CELF2: variants seen among roughly 807,000 people sequenced by gnomAD.
CELF2 encodes the protein CUG triplet repeat RNA-binding protein 2.
A neutral mutation model predicts 62.6 loss-of-function variants in CELF2; 8 were observed. The ratio of observed to expected loss-of-function variants is 0.13; its 90% CI spans 0.07 to 0.23. CELF2 has a LOEUF of 0.23. Ranked by LOEUF, CELF2 falls within the 10% of genes least tolerant of loss-of-function variation. The pLI is 1.00. For missense variants in CELF2, 333 were observed against 671.0 expected (o/e 0.50, Z 5.56); for synonymous variants, 258 against 250.0 (o/e 1.03, Z -0.30).
At chr10:10,847,307 A>C (rs1023795545) in intron 1 of CELF2, among the ~76,000 whole-genome samples, 1 of 152,164 alleles carries the variant, frequency 6.6e-6, no homozygotes. Flanking sequence ...CTCAAAGATA[A>C]TTTTAGAATG....
chr10:10,643,102 T>A, the CELF2 span, among the ~76,000 whole-genome samples: 10 of 152,254 alleles, frequency 6.6e-5, 1 homozygote, highest in Admixed American at 6.5e-4. Context: ...CTCCCCATCA[T>A]GCTGAACAGA....
rs2063165943 is a variant in CELF2, at chr10:11,150,691, T to G, written c.75-14795T>G. ...CCTGGGCAGCCATTTGTTTTCAGCT[T>G]TCACTTTTGCATTTGCTTTTGAAGC... On this transcript the variant is annotated intron_variant, in intron 1 of 12. Transcript: ENST00000633077. Among the ~76,000 whole-genome samples the G allele has an allele frequency of 2.0e-5, 3 of 152,244 alleles. No individual in the cohort carries two copies. The South Asian group carries it at 6.2e-4, about 32-fold the overall frequency.
intron 1 of CELF2, among the ~76,000 whole-genome samples, chr10:11,041,274 G>T (rs2061799255): frequency 6.6e-6 from 1 of 152,118 alleles, no homozygotes; most frequent in Admixed American, 6.5e-5. Context: ...TTTAACATAC[G>T]CATTTTAGGG....
chr10:10,963,862 A>G (rs761283042), intron 2 of CELF2, among the ~76,000 whole-genome samples: 3 of 152,106 alleles, frequency 2.0e-5, no homozygotes, highest in Non-Finnish European at 2.9e-5. Flanking sequence ...GCCCATTCCC[A>G]TTCTAGTATA....
intron 9 of CELF2, among the ~76,000 whole-genome samples, chr10:11,294,138 A>G (rs1280114440): frequency 1.3e-5 from 2 of 152,242 alleles, no homozygotes; most frequent in Non-Finnish European, 2.9e-5. Flanking sequence ...AGTGGCTTTC[A>G]AAATGTTCTG....
chr10:11,302,420 G>A lies in CELF2; in HGVS notation c.977-11719G>A, dbSNP rs2093847528. 6.6e-6 allele frequency among the ~76,000 whole-genome samples: 1 copy of A among 152,344 alleles called. No individual in the cohort carries two copies. The highest frequency in any genetic ancestry group is 2.4e-5 in the African/African-American group (1 of 41,572). ...TCAGCGGGAGTGAGGGGAGCCCCAGGTGGTGCCGATGCGGGCGAGGCTGTA... is the reference window on the plus strand; with the variant it reads ...TCAGCGGGAGTGAGGGGAGCCCCAGATGGTGCCGATGCGGGCGAGGCTGTA... On this transcript the variant is annotated intron_variant, in intron 9 of 12. Coordinates refer to ENST00000633077, the MANE Select transcript of CELF2 (RefSeq NM_001326342.2). This position sits in a 1 kb window ranked among gnomAD's most constrained non-coding sequence, Gnocchi z 5.0.
intron 1 of CELF2, among the ~76,000 whole-genome samples, chr10:11,139,839 G>T (rs1004738360): frequency 2.1e-5 from 3 of 141,002 alleles, no homozygotes; most frequent in Non-Finnish European, 4.7e-5. Context: ...ACATCATTCA[G>T]TTTTTTTTTT....
intron 1 of CELF2, among the ~76,000 whole-genome samples, chr10:11,068,174 C>A (rs1351953040): frequency 6.6e-6 from 1 of 152,224 alleles, no homozygotes; most frequent in African/African-American, 2.4e-5. Context: ...GCTGAGGAAA[C>A]ACAGTCTCTA....
chr10:10,534,235 A>G, the CELF2 span, among the ~76,000 whole-genome samples: 60 of 151,828 alleles, frequency 4.0e-4, no homozygotes, highest in African/African-American at 1.3e-3. Context: ...AAAAAGAAAA[A>G]GAAAAAGAGA....
chr10:11,140,763 C>A (rs1275818311), intron 1 of CELF2, among the ~76,000 whole-genome samples: 1 of 152,124 alleles, frequency 6.6e-6, no homozygotes, highest in Non-Finnish European at 1.5e-5. Context: ...TGCCTGTAAT[C>A]CCAGCACTTT....
At chr10:10,703,818 A>T in the CELF2 span, among the ~76,000 whole-genome samples, 23 of 152,324 alleles carry the variant, frequency 1.5e-4, no homozygotes, top group East Asian at 3.7e-3. Context: ...ACGAGGGAGA[A>T]TTGCATGTAA....
intron 2 of CELF2, among the ~76,000 whole-genome samples, chr10:10,951,049 T>C (rs1435508861): frequency 1.3e-5 from 2 of 152,246 alleles, no homozygotes; most frequent in Non-Finnish European, 2.9e-5. Context: ...TATTTCATGA[T>C]TTGTTATTTA....
chr10:10,805,625 CTT>C, intron 1 of CELF2, among the ~76,000 whole-genome samples: 1 of 152,054 alleles, frequency 6.6e-6, no homozygotes, highest in Non-Finnish European at 1.5e-5. Flanking sequence ...TTGTTCAAGT[CTT>C]TTAATGAGGG....
the CELF2 span, among the ~76,000 whole-genome samples, chr10:10,486,353 A>G: frequency 1.3e-5 from 2 of 152,232 alleles, no homozygotes; most frequent in African/African-American, 4.8e-5. Flanking sequence ...TTTTAATACC[A>G]TGATTTAATT....
intron 1 of CELF2, among the ~76,000 whole-genome samples, chr10:10,832,106 A>G (rs923580407): frequency 6.6e-6 from 1 of 151,626 alleles, no homozygotes; most frequent in Non-Finnish European, 1.5e-5. Context: ...TGTATCTACT[A>G]AAAATACAAA....
intron 1 of CELF2, among the ~76,000 whole-genome samples, chr10:11,079,485 TGG>T (rs767765906): frequency 2.6e-5 from 4 of 152,308 alleles, no homozygotes; most frequent in Admixed American, 1.3e-4. Flanking sequence ...GATTGAATTA[TGG>T]GGGTTCAGGG....
Position 11,318,546 on chromosome 10 carries a change from C to G in CELF2, c.1097-2643C>G. On this transcript the variant is annotated intron_variant, in intron 10 of 12. Transcript: ENST00000633077. The surrounding 1 kb of genome is among the most constrained non-coding windows in gnomAD (Gnocchi z 5.4). ...AGCTCTGAGGTGTAGTCCAGAGACA[C>G]AGCCAGCCTCTGTGAAGTGGAGCCA... The G allele has an allele frequency of 2.7e-6, 1 of 364,604 alleles. No homozygotes were observed. The highest frequency in any genetic ancestry group is 2.1e-5 in the South Asian group (1 of 47,164). 22.6% of individuals were successfully genotyped at this position (364,604 alleles called of 1,614,324 possible).
At chr10:10,463,310 T>C in the CELF2 span, among the ~76,000 whole-genome samples, 5 of 152,232 alleles carry the variant, frequency 3.3e-5, no homozygotes, top group Non-Finnish European at 7.3e-5. Context: ...TGTGCTTGCC[T>C]GTTACTCTGT....
At chr10:11,282,145 C>T (rs1222715850) in intron 8 of CELF2, among the ~76,000 whole-genome samples, 2 of 152,218 alleles carry the variant, frequency 1.3e-5, no homozygotes, top group African/African-American at 4.8e-5. Context: ...TCTTCCTCCC[C>T]TCCATCCGTC....
Sources: allele counts gnomAD v4.1 joint callset (sites outside exome capture counted in the v4.1 genomes callset), GRCh38; gene constraint gnomAD v4.1.1; non-coding constraint Gnocchi (gnomAD v3.1); transcripts MANE v1.5; gene names NCBI Gene and HGNC (gene_info 2026-07-23, HGNC 2026-07-21).